The following OPCML variants were observed in gnomAD, a reference collection of about 807,000 sequenced individuals.
OPCML encodes the protein opioid binding protein/cell adhesion molecule like.
Under a neutral mutation model 37.8 loss-of-function variants are expected in OPCML, and 13 were observed. That is an observed-to-expected ratio of 0.34 (90% CI 0.22 to 0.55). The LOEUF (loss-of-function observed/expected upper bound fraction) is 0.55, where lower values mean the gene tolerates loss of function less well. Among genes scored for constraint, OPCML ranks in the 20% least tolerant of loss-of-function variants. OPCML has a pLI of 0.91. For synonymous variants in OPCML, 176 were observed against 168.8 expected (o/e 1.04, Z -0.33); for missense variants, 341 against 435.6 (o/e 0.78, Z 1.93).
intron 1 of OPCML, among the ~76,000 whole-genome samples, chr11:133,214,030 G>A (rs2136347107): frequency 6.6e-6 from 1 of 152,066 alleles, no homozygotes; most frequent in Middle Eastern, 3.4e-3. Context: ...TGTACTCAAT[G>A]GCATAACAAT....
chr11:132,629,679 G>A (rs186488658), intron 3 of OPCML, among the ~76,000 whole-genome samples: 13 of 152,064 alleles, frequency 8.5e-5, no homozygotes, highest in South Asian at 2.1e-4. Context: ...CAGGTGCAGC[G>A]TTGAGTTCAT....
chr11:132,445,768 C>T (rs1037829396), intron 4 of OPCML, among the ~76,000 whole-genome samples: 4 of 152,136 alleles, frequency 2.6e-5, no homozygotes, highest in East Asian at 1.9e-4. Context: ...CTTTCATTTT[C>T]CAAGTTCCAG....
chr11:132,530,722 C>T (rs1195630602), intron 3 of OPCML, among the ~76,000 whole-genome samples: 1 of 151,996 alleles, frequency 6.6e-6, no homozygotes, highest in East Asian at 1.9e-4. Context: ...ATGACCTGAG[C>T]TCTCTGGAGT....
rs534515892 is a variant in OPCML at position 133,356,836 on chromosome 11, G to A, written c.61+175428C>T. 9.9e-5 allele frequency among the ~76,000 whole-genome samples: 15 copies of A among 152,228 alleles called. 1 individual carries two copies. Among genetic ancestry groups the A allele is most frequent in the African/African-American group, 3.1e-4 (13 of 41,536 alleles). On this transcript the variant is annotated intron_variant, in intron 1 of 7. Coordinates refer to ENST00000524381, the MANE Select transcript of OPCML (RefSeq NM_001012393.5). Reference sequence around the variant, plus strand: ...GGTCAAGTTCAGATTTTTTAAAAGCGCGTGTCCATGCAAACCATTCACTGG... The same window carrying A: ...GGTCAAGTTCAGATTTTTTAAAAGCACGTGTCCATGCAAACCATTCACTGG...
intron 3 of OPCML, among the ~76,000 whole-genome samples, chr11:132,612,910 C>T (rs530013927): frequency 2.0e-4 from 30 of 152,258 alleles, no homozygotes; most frequent in African/African-American, 6.7e-4. Context: ...GGCTTCTCAT[C>T]AGATTCAAGG....
intron 3 of OPCML, among the ~76,000 whole-genome samples, chr11:132,647,599 GAA>G (rs1166124865): frequency 6.6e-6 from 1 of 152,156 alleles, no homozygotes; most frequent in Non-Finnish European, 1.5e-5. Context: ...ATAAGGAAGA[GAA>G]AATATATTTA....
chr11:133,483,582 TTAGA>T (rs927042199), intron 1 of OPCML, among the ~76,000 whole-genome samples: 59 of 151,558 alleles, frequency 3.9e-4, no homozygotes, highest in African/African-American at 1.3e-3. Context: ...GGATGATAGA[TTAGA>T]TAGATTCATA....
chr11:133,296,025 T>C (rs1391703487), intron 1 of OPCML, among the ~76,000 whole-genome samples: 1 of 152,230 alleles, frequency 6.6e-6, no homozygotes, highest in Non-Finnish European at 1.5e-5. Flanking sequence ...TTAGTTTTAC[T>C]GAAAATTATC....
intron 4 of OPCML, among the ~76,000 whole-genome samples, chr11:132,443,254 G>A (rs2096042748): frequency 6.6e-6 from 1 of 152,198 alleles, no homozygotes; most frequent in South Asian, 2.1e-4. Context: ...AGGATCTAGG[G>A]TTTCAGGAGG....
chr11:132,838,765 A>G (rs955387020), intron 2 of OPCML, among the ~76,000 whole-genome samples: 9 of 152,152 alleles, frequency 5.9e-5, no homozygotes, highest in African/African-American at 2.2e-4. Flanking sequence ...AGAGAGTGGA[A>G]GTTTAGAGAT....
intron 4 of OPCML, among the ~76,000 whole-genome samples, chr11:132,503,276 A>G (rs926918293): frequency 1.3e-5 from 2 of 152,146 alleles, no homozygotes; most frequent in Non-Finnish European, 2.9e-5. Flanking sequence ...ACCCTATCTC[A>G]AAGGTTCTCC....
Position 133,173,153 on chromosome 11 carries a change from A to G in OPCML, c.62-230143T>C, listed in dbSNP as rs1424863478. Among the ~76,000 whole-genome samples the G allele has an allele frequency of 6.6e-6, 1 of 152,264 alleles. No individual in the cohort carries two copies. The highest frequency in any genetic ancestry group is 2.4e-5 in the African/African-American group (1 of 41,470). On this transcript the variant is annotated intron_variant, in intron 1 of 7. Transcript: ENST00000524381. The surrounding 1 kb of genome is among the most constrained non-coding windows in gnomAD (Gnocchi z 7.8). Reference sequence around the variant, plus strand: ...CCAACAACCACACCCATGCTTTAAAAAAATTACATGTGAGGGAATATTTCA... The same window carrying G: ...CCAACAACCACACCCATGCTTTAAAGAAATTACATGTGAGGGAATATTTCA...
intron 1 of OPCML, among the ~76,000 whole-genome samples, chr11:133,346,708 A>T (rs1345756826): frequency 6.6e-6 from 1 of 152,234 alleles, no homozygotes; most frequent in Non-Finnish European, 1.5e-5. Context: ...GGAATTAGCC[A>T]TCAGAAAACC....
chr11:132,459,526 C>T (rs1256577246), intron 4 of OPCML, among the ~76,000 whole-genome samples: 3 of 142,830 alleles, frequency 2.1e-5, no homozygotes, highest in East Asian at 2.0e-4. Context: ...TATATATATA[C>T]ACACATATAC....
intron 4 of OPCML, among the ~76,000 whole-genome samples, chr11:132,490,450 G>A (rs765454394): frequency 6.6e-6 from 1 of 151,866 alleles, no homozygotes; most frequent in Non-Finnish European, 1.5e-5. Context: ...ATCCTCTCTG[G>A]CTGCACTCAC....
chr11:133,417,023 C>T (rs1286267044), intron 1 of OPCML, among the ~76,000 whole-genome samples: 1 of 152,194 alleles, frequency 6.6e-6, no homozygotes, highest in African/African-American at 2.4e-5. Context: ...TTGCTGAACA[C>T]ATGGCAGTGC....
intron 3 of OPCML, among the ~76,000 whole-genome samples, chr11:132,535,776 T>C (rs540253212): frequency 4.1e-4 from 62 of 152,066 alleles, no homozygotes; most frequent in South Asian, 6.2e-4. Flanking sequence ...TGCAGGTGAG[T>C]TCTGGATCTT....
chr11:132,762,413 C>A (rs1591573029), intron 2 of OPCML, among the ~76,000 whole-genome samples: 1 of 152,242 alleles, frequency 6.6e-6, no homozygotes, highest in African/African-American at 2.4e-5. Flanking sequence ...GCACCCATAG[C>A]TGCTCTTTCC....
chr11:132,528,705 T>C (rs1330064615), intron 4 of OPCML, among the ~76,000 whole-genome samples: 1 of 152,178 alleles, frequency 6.6e-6, no homozygotes, highest in Non-Finnish European at 1.5e-5. Flanking sequence ...AAGTTCTCCA[T>C]GGCCACGCTA....
Sources: allele counts gnomAD v4.1 joint callset (sites outside exome capture counted in the v4.1 genomes callset), GRCh38; gene constraint gnomAD v4.1.1; non-coding constraint Gnocchi (gnomAD v3.1); transcripts MANE v1.5; gene names NCBI Gene and HGNC (gene_info 2026-07-23, HGNC 2026-07-21).